Variants in GPC5 observed in about 807,000 individuals in gnomAD.
GPC5 encodes glypican 5, also known as glypican-5.
In GPC5, 47 loss-of-function variants were observed where a neutral mutation model predicts 53.9. The ratio of observed to expected loss-of-function variants is 0.87; its 90% CI spans 0.69 to 1.11. The LOEUF (loss-of-function observed/expected upper bound fraction) is 1.11, where lower values mean the gene tolerates loss of function less well. Ranked by LOEUF, GPC5 falls within the 50% of genes most tolerant of loss-of-function variation. The pLI, the probability that GPC5 is intolerant of heterozygous loss-of-function variation, is 0.00. For missense variants in GPC5, 748 were observed against 713.1 expected (o/e 1.05, Z -0.56); for synonymous variants, 286 against 263.3 (o/e 1.09, Z -0.84).
chr13:91,665,816 T>C (rs1327371071), intron 2 of GPC5, among the ~76,000 whole-genome samples: 1 of 152,166 alleles, frequency 6.6e-6, no homozygotes, highest in African/African-American at 2.4e-5. Context: ...AAGACAGTCA[T>C]TTGAGTTCAG....
At position 92,346,738 on chromosome 13, in the gene GPC5, A is replaced by G. The variant is rs945765184; in HGVS notation, c.1561+201749A>G. ...ATGGAGATCTCTGCAATGACTGACA[A>G]TTCCAAATATTCTTCCTAAAGAAGT... On this transcript the variant is annotated intron_variant, in intron 7 of 7. Transcript: ENST00000377067. 4.6e-5 allele frequency among the ~76,000 whole-genome samples: 7 copies of G among 152,210 alleles called. No homozygotes were observed. In the East Asian group the frequency reaches 1.3e-3, roughly 29 times the overall value.
At chr13:92,327,341 G>T (rs572472665) in intron 7 of GPC5, among the ~76,000 whole-genome samples, 1 of 152,222 alleles carries the variant, frequency 6.6e-6, no homozygotes, top group East Asian at 1.9e-4. Context: ...ACTCTTTTCT[G>T]TTCTCTTGCT....
At chr13:91,508,611 C>T (rs1885073307) in intron 2 of GPC5, among the ~76,000 whole-genome samples, 1 of 151,988 alleles carries the variant, frequency 6.6e-6, no homozygotes, top group African/African-American at 2.4e-5. Context: ...CTGTGTCACG[C>T]CCAGGAGATA....
At chr13:92,053,048 G>A (rs1393040483) in intron 6 of GPC5, among the ~76,000 whole-genome samples, 1 of 152,030 alleles carries the variant, frequency 6.6e-6, no homozygotes, top group Non-Finnish European at 1.5e-5. Context: ...CTGGACAACC[G>A]GTTTCTGAGT....
chr13:91,664,765 G>A (rs1345020201), intron 2 of GPC5, among the ~76,000 whole-genome samples: 1 of 152,124 alleles, frequency 6.6e-6, no homozygotes, highest in African/African-American at 2.4e-5. Flanking sequence ...TTTTTTCACT[G>A]TTTGAACTTC....
At chr13:92,225,344 C>A (rs1204372881) in intron 7 of GPC5, among the ~76,000 whole-genome samples, 1 of 152,136 alleles carries the variant, frequency 6.6e-6, no homozygotes, top group Non-Finnish European at 1.5e-5. Flanking sequence ...CCACCCAGAG[C>A]TGCTTGGTTT....
intron 7 of GPC5, among the ~76,000 whole-genome samples, chr13:92,708,953 G>T (rs1283552009): frequency 8.2e-6 from 1 of 121,874 alleles, no homozygotes; most frequent in African/African-American, 3.2e-5. Context: ...CCTGATGTTG[G>T]CTCACTGCAA....
chr13:91,478,916 T>TA (rs1883148390), intron 2 of GPC5, among the ~76,000 whole-genome samples: 3 of 126,460 alleles, frequency 2.4e-5, no homozygotes, highest in Non-Finnish European at 3.4e-5. Flanking sequence ...CATATATATA[T>TA]TCTTTTTTTT....
chr13:92,048,121 G>A (rs1257145439), intron 6 of GPC5, among the ~76,000 whole-genome samples: 1 of 151,962 alleles, frequency 6.6e-6, no homozygotes, highest in Non-Finnish European at 1.5e-5. Flanking sequence ...ATAAAGACAT[G>A]GAGCCAAATA....
intron 5 of GPC5, among the ~76,000 whole-genome samples, chr13:91,866,999 T>G (rs1312294700): frequency 6.6e-6 from 1 of 152,130 alleles, no homozygotes; most frequent in African/African-American, 2.4e-5. Context: ...GCAGATCACC[T>G]GAGGTTGGGA....
chr13:92,302,586 G>T (rs1165482180), intron 7 of GPC5, among the ~76,000 whole-genome samples: 1 of 152,110 alleles, frequency 6.6e-6, no homozygotes, highest in African/African-American at 2.4e-5. Flanking sequence ...TAGTTTATGA[G>T]AAAAGTCTAT....
intron 7 of GPC5, among the ~76,000 whole-genome samples, chr13:92,478,388 G>A (rs562466215): frequency 1.3e-5 from 2 of 152,134 alleles, no homozygotes; most frequent in South Asian, 2.1e-4. Context: ...TTGAGTCTTG[G>A]GGATTTAGAA....
chr13:91,629,360 A>C (rs752541930), intron 2 of GPC5, among the ~76,000 whole-genome samples: 11 of 152,012 alleles, frequency 7.2e-5, no homozygotes, highest in Non-Finnish European at 1.0e-4. Flanking sequence ...ATTTTTTTTC[A>C]GGCTGGGCAT....
At chr13:92,366,886 G>A (rs1008590852) in intron 7 of GPC5, among the ~76,000 whole-genome samples, 14 of 152,296 alleles carry the variant, frequency 9.2e-5, no homozygotes, top group Admixed American at 8.5e-4. Flanking sequence ...TTTCTTATTT[G>A]AAAAGTAAGG....
intron 7 of GPC5, among the ~76,000 whole-genome samples, chr13:92,483,760 A>C (rs540917033): frequency 2.6e-5 from 4 of 151,356 alleles, no homozygotes; most frequent in Admixed American, 2.6e-4. Flanking sequence ...TTTTTTTGTT[A>C]TATTATTCTA....
At chr13:92,007,565 T>C (rs951489430) in intron 6 of GPC5, among the ~76,000 whole-genome samples, 2 of 152,188 alleles carry the variant, frequency 1.3e-5, no homozygotes, top group African/African-American at 4.8e-5. Context: ...GTCACCAATA[T>C]TAATATTAGA....
chr13:92,553,388 C>T (rs1882388201), intron 7 of GPC5, among the ~76,000 whole-genome samples: 1 of 151,956 alleles, frequency 6.6e-6, no homozygotes, highest in South Asian at 2.1e-4. Flanking sequence ...ACCAACTAAA[C>T]TCTTATTTTG....
At chr13:92,558,361 G>C (rs560416346) in intron 7 of GPC5, among the ~76,000 whole-genome samples, 25 of 152,100 alleles carry the variant, frequency 1.6e-4, no homozygotes, top group African/African-American at 5.8e-4. Flanking sequence ...ATATGCAAGT[G>C]ACATATCTCA....
chr13:92,773,779 T>C (rs1401978129), intron 7 of GPC5, among the ~76,000 whole-genome samples: 1 of 152,198 alleles, frequency 6.6e-6, no homozygotes, highest in Non-Finnish European at 1.5e-5. Context: ...GTTGAAAATA[T>C]TCCTAAAGCT....
Sources: gnomAD v4.1 joint callset for allele counts (sites outside exome capture counted in the v4.1 genomes callset) on GRCh38, gnomAD v4.1.1 for gene constraint, MANE v1.5 for transcripts, NCBI Gene and HGNC (gene_info 2026-07-23, HGNC 2026-07-21) for gene names.